Variants in CNTN4 observed in about 807,000 individuals in gnomAD.
The protein encoded by CNTN4 is contactin-4.
CNTN4 carries 77 observed loss-of-function variants against 122.5 expected under a neutral mutation model. That is an observed-to-expected ratio of 0.63 (90% CI 0.52 to 0.76). CNTN4 has a LOEUF of 0.76. Among genes scored for constraint, CNTN4 ranks in the 30% least tolerant of loss-of-function variants. CNTN4 has a pLI of 0.00. For missense variants in CNTN4, 1,256 were observed against 1,259.1 expected, an observed-to-expected ratio of 1.00 and a Z score of 0.04; for synonymous variants, 512 against 447.0, an observed-to-expected ratio of 1.15 and a Z score of -1.83.
chr3:2,893,084 T>G (rs904302258), intron 10 of CNTN4, among the ~76,000 whole-genome samples: 7 of 152,210 alleles, frequency 4.6e-5, no homozygotes, highest in African/African-American at 1.7e-4. Flanking sequence ...GATGAACAAC[T>G]GACTTTTTCA....
intron 14 of CNTN4, among the ~76,000 whole-genome samples, chr3:3,009,473 G>T (rs9833795): frequency 2.6e-5 from 4 of 150,944 alleles, no homozygotes; most frequent in South Asian, 4.2e-4. Context: ...TTGCTCTGTC[G>T]CCCAGGCTGG....
chr3:2,151,667 G>T (rs1389405526), intron 2 of CNTN4, among the ~76,000 whole-genome samples: 3 of 152,162 alleles, frequency 2.0e-5, no homozygotes, highest in Non-Finnish European at 4.4e-5. Context: ...CTCAAGAATG[G>T]ATTCATCCAC....
At chr3:2,574,855 C>T (rs1444129442) in intron 4 of CNTN4, among the ~76,000 whole-genome samples, 1 of 151,744 alleles carries the variant, frequency 6.6e-6, no homozygotes, top group African/African-American at 2.4e-5. Context: ...TTTTTTCAAT[C>T]TACAAACTCC....
At position 2,627,717 on chromosome 3, in the gene CNTN4, T is replaced by G. The variant is rs536997099; in HGVS notation, c.55+56159T>G. Among the ~76,000 whole-genome samples, 695 of 152,082 alleles carry G rather than the reference T, an allele frequency of 4.6e-3. 5 individuals are homozygous for G. Among genetic ancestry groups the G allele is most frequent in the Non-Finnish European group, 4.1e-3 (277 of 67,994 alleles). On this transcript the variant is annotated intron_variant, in intron 4 of 24. Coordinates refer to ENST00000418658, the MANE Select transcript of CNTN4 (RefSeq NM_175607.3). Reference sequence around the variant, plus strand: ...ACCGTGTTAGCCAGGATGGTCTCGATCTCCTGACCTTGTGATCTGCCCGCC... The same window carrying G: ...ACCGTGTTAGCCAGGATGGTCTCGAGCTCCTGACCTTGTGATCTGCCCGCC...
chr3:2,594,163 T>G (rs1357373922), intron 4 of CNTN4, among the ~76,000 whole-genome samples: 1 of 152,174 alleles, frequency 6.6e-6, no homozygotes, highest in Non-Finnish European at 1.5e-5. Flanking sequence ...GTTGGCTCTT[T>G]GTCTGGCATT....
intron 3 of CNTN4, among the ~76,000 whole-genome samples, chr3:2,544,300 G>T (rs956030616): frequency 2.6e-5 from 4 of 152,062 alleles, no homozygotes; most frequent in African/African-American, 9.7e-5. Flanking sequence ...AACATGGGAA[G>T]AAAGATTGTT....
intron 2 of CNTN4, among the ~76,000 whole-genome samples, chr3:2,323,366 T>C (rs1345489428): frequency 6.6e-6 from 1 of 152,164 alleles, no homozygotes; most frequent in East Asian, 1.9e-4. Flanking sequence ...TTGCGTGCCA[T>C]GGTCTCATGG....
In CNTN4 at chr3:2,211,832, T is replaced by C. The variant is rs184721932; in HGVS notation, c.-145+111193T>C. On this transcript the variant is annotated intron_variant, in intron 2 of 24. Coordinates refer to ENST00000418658, the MANE Select transcript of CNTN4 (RefSeq NM_175607.3). ...CAAGTATTCTGTATGAGCAGACTTA[T>C]GGATAGGCTAAGGCCAACTCTCTGA... 2.6e-4 allele frequency among the ~76,000 whole-genome samples: 40 copies of C among 152,370 alleles called. No homozygotes were observed. In the Middle Eastern group the frequency reaches 0.01, roughly 39 times the overall value.
At chr3:2,224,337 T>C (rs955018069) in intron 2 of CNTN4, among the ~76,000 whole-genome samples, 1 of 152,178 alleles carries the variant, frequency 6.6e-6, no homozygotes, top group African/African-American at 2.4e-5. Context: ...AATACCCACC[T>C]GGGCACTGAG....
chr3:2,212,469 T>A (rs543581066), intron 2 of CNTN4, among the ~76,000 whole-genome samples: 20 of 152,156 alleles, frequency 1.3e-4, no homozygotes, highest in Admixed American at 1.2e-3. Flanking sequence ...AGTCATGTCT[T>A]ACATGACACC....
At chr3:2,963,461 T>C (rs2094882022) in intron 13 of CNTN4, among the ~76,000 whole-genome samples, 1 of 152,208 alleles carries the variant, frequency 6.6e-6, no homozygotes, top group South Asian at 2.1e-4. Flanking sequence ...GCCAATCTCA[T>C]TTCTTACCAC....
At chr3:2,130,500 G>A (rs2125274879) in intron 2 of CNTN4, among the ~76,000 whole-genome samples, 1 of 152,292 alleles carries the variant, frequency 6.6e-6, no homozygotes, top group East Asian at 1.9e-4. Flanking sequence ...TAAAAAGCCA[G>A]AAGATGCAGT....
intron 3 of CNTN4, among the ~76,000 whole-genome samples, chr3:2,519,996 C>T (rs968705875): frequency 6.6e-6 from 1 of 151,870 alleles, no homozygotes; most frequent in Non-Finnish European, 1.5e-5. Context: ...TCCTACAAGG[C>T]TTTTTTTAAA....
At chr3:2,133,881 G>T (rs2034564429) in intron 2 of CNTN4, among the ~76,000 whole-genome samples, 1 of 152,068 alleles carries the variant, frequency 6.6e-6, no homozygotes, top group African/African-American at 2.4e-5. Flanking sequence ...TCCAGAATTA[G>T]ATTTAAAGCT....
At chr3:2,844,545 A>G (rs769039794) in intron 7 of CNTN4, among the ~76,000 whole-genome samples, 2 of 152,128 alleles carry the variant, frequency 1.3e-5, no homozygotes, top group African/African-American at 2.4e-5. Context: ...GGACTGGGCA[A>G]TTACCCATAT....
intron 3 of CNTN4, among the ~76,000 whole-genome samples, chr3:2,535,960 T>G (rs748567114): frequency 6.6e-6 from 1 of 152,142 alleles, no homozygotes; most frequent in African/African-American, 2.4e-5. Flanking sequence ...TTTTGAAGAC[T>G]GTTCTTCAAA....
chr3:2,440,829 A>G (rs2048410700), intron 3 of CNTN4, among the ~76,000 whole-genome samples: 1 of 147,762 alleles, frequency 6.8e-6, no homozygotes, highest in African/African-American at 2.5e-5. Context: ...ATATATAACT[A>G]TATATATTTT....
chr3:2,863,328 G>T (rs1212861972), intron 7 of CNTN4, among the ~76,000 whole-genome samples: 1 of 151,962 alleles, frequency 6.6e-6, no homozygotes, highest in East Asian at 1.9e-4. Flanking sequence ...AGACTTTTCT[G>T]CTGACCTTCC....
At chr3:2,500,993 A>G (rs2076579269) in intron 3 of CNTN4, among the ~76,000 whole-genome samples, 1 of 152,138 alleles carries the variant, frequency 6.6e-6, no homozygotes, top group Non-Finnish European at 1.5e-5. Context: ...AGATTTTTAT[A>G]ATGAATTTAA....
Sources: gnomAD v4.1 joint callset for allele counts (sites outside exome capture counted in the v4.1 genomes callset) on GRCh38, gnomAD v4.1.1 for gene constraint, MANE v1.5 for transcripts, NCBI Gene and HGNC (gene_info 2026-07-23, HGNC 2026-07-21) for gene names.